SDK1: variants seen among roughly 807,000 people sequenced by gnomAD.
SDK1 encodes sidekick cell adhesion molecule 1.
A neutral mutation model predicts 245.5 loss-of-function variants in SDK1; 157 were observed. That is an observed-to-expected ratio of 0.64 (90% CI 0.56 to 0.73). The LOEUF (loss-of-function observed/expected upper bound fraction) is 0.73. Among genes scored for constraint, SDK1 ranks in the 30% least tolerant of loss-of-function variants. SDK1 has a pLI of 0.00. For synonymous variants in SDK1, 1,647 were observed against 1,278.5 expected (o/e 1.29, Z -6.15); for missense variants, 3,583 against 3,002.3 (o/e 1.19, Z -4.52).
At chr7:4,150,446 T>C (rs1482562919) in intron 30 of SDK1, among the ~76,000 whole-genome samples, 3 of 152,168 alleles carry the variant, frequency 2.0e-5, no homozygotes, top group Non-Finnish European at 4.4e-5. Context: ...TTCCTCTGTC[T>C]CTCAGATGGT....
chr7:4,159,251 A>G (rs1314124674), intron 31 of SDK1, among the ~76,000 whole-genome samples: 3 of 152,054 alleles, frequency 2.0e-5, no homozygotes, highest in African/African-American at 4.8e-5. Context: ...CAATAAACCA[A>G]TTTCCAGCTG....
intron 4 of SDK1, among the ~76,000 whole-genome samples, chr7:3,688,016 T>C (rs762980450): frequency 2.6e-5 from 4 of 152,330 alleles, no homozygotes; most frequent in Non-Finnish European, 5.9e-5. Context: ...TTCCAAAGAT[T>C]AGAGGATTTC....
At chr7:4,209,167 A>G (rs905808349) in intron 37 of SDK1, among the ~76,000 whole-genome samples, 2 of 152,190 alleles carry the variant, frequency 1.3e-5, no homozygotes, top group Admixed American at 6.5e-5. Context: ...CAGTGCCCGC[A>G]TCTGAGCTGG....
rs547625796 is a variant in SDK1, at chr7:3,940,300, A to C, written c.848-10623A>C. Among the ~76,000 whole-genome samples the C allele has an allele frequency of 2.6e-5, 4 of 152,384 alleles. No homozygotes were observed. The East Asian group carries it at 7.7e-4, about 29-fold the overall frequency. On this transcript the variant is annotated intron_variant, in intron 5 of 44. Coordinates refer to ENST00000404826, the MANE Select transcript of SDK1 (RefSeq NM_152744.4). ...TCTAAACGTGCTTTGCGGGACAGTG[A>C]AACCCTGCTTGGTGGAGGTCAGGAC...
intron 13 of SDK1, among the ~76,000 whole-genome samples, chr7:3,975,698 G>C (rs763533028): frequency 3.3e-5 from 5 of 152,254 alleles, no homozygotes; most frequent in Admixed American, 6.5e-5. Context: ...GTAGCAGTCA[G>C]TCCGGAAGGC....
At chr7:3,838,009 G>A (rs1362645422) in intron 5 of SDK1, among the ~76,000 whole-genome samples, 3 of 152,190 alleles carry the variant, frequency 2.0e-5, no homozygotes, top group Admixed American at 6.5e-5. Context: ...GCACATATGA[G>A]CAGGATACCT....
At chr7:3,787,166 A>G (rs1266000422) in intron 4 of SDK1, among the ~76,000 whole-genome samples, 3 of 151,404 alleles carry the variant, frequency 2.0e-5, no homozygotes, top group Admixed American at 1.3e-4. Flanking sequence ...ACACACACAC[A>G]CACACACACA....
chr7:3,566,635 A>T (rs557099049), intron 1 of SDK1, among the ~76,000 whole-genome samples: 44 of 152,074 alleles, frequency 2.9e-4, no homozygotes, highest in Non-Finnish European at 5.7e-4. Flanking sequence ...GGCAGATGAC[A>T]GAATGGAAAA....
At chr7:3,337,138 A>G (rs1780222398) in intron 1 of SDK1, among the ~76,000 whole-genome samples, 1 of 152,360 alleles carries the variant, frequency 6.6e-6, no homozygotes, top group South Asian at 2.1e-4. Flanking sequence ...GAAAGCTGCT[A>G]TGATAAAATG....
At chr7:3,771,846 C>T (rs1409108539) in intron 4 of SDK1, among the ~76,000 whole-genome samples, 1 of 152,174 alleles carries the variant, frequency 6.6e-6, no homozygotes, top group Non-Finnish European at 1.5e-5. Context: ...CATCACCCCC[C>T]ATCCATCTCC....
At chr7:3,898,335 C>A (rs999280871) in intron 5 of SDK1, among the ~76,000 whole-genome samples, 4 of 152,138 alleles carry the variant, frequency 2.6e-5, no homozygotes, top group African/African-American at 9.7e-5. Flanking sequence ...GAGCAAAAAG[C>A]GCAGACATGG....
At chr7:4,163,793 G>C (rs1781321253) in intron 32 of SDK1, among the ~76,000 whole-genome samples, 1 of 152,214 alleles carries the variant, frequency 6.6e-6, no homozygotes, top group African/African-American at 2.4e-5. Flanking sequence ...GGGCCAGCCA[G>C]GGGGAGCTTG....
chr7:3,956,910 G>A (rs1171323079), intron 7 of SDK1, among the ~76,000 whole-genome samples: 2 of 152,148 alleles, frequency 1.3e-5, no homozygotes, highest in Admixed American at 6.5e-5. Context: ...CCTGGCACTC[G>A]AGGGAAGCCT....
intron 20 of SDK1, among the ~76,000 whole-genome samples, chr7:4,071,021 A>C (rs886366025): frequency 6.7e-6 from 1 of 149,750 alleles, no homozygotes; most frequent in African/African-American, 2.5e-5. Context: ...TGGGGTTTTT[A>C]ATTTTTTGTT....
At chr7:3,596,902 G>A (rs569501032) in intron 1 of SDK1, among the ~76,000 whole-genome samples, 2 of 152,266 alleles carry the variant, frequency 1.3e-5, no homozygotes, top group South Asian at 2.1e-4. Flanking sequence ...AGCTAGATTG[G>A]TTACAGCTTA....
At chr7:3,424,888 C>G (rs1779633853) in intron 1 of SDK1, among the ~76,000 whole-genome samples, 1 of 152,026 alleles carries the variant, frequency 6.6e-6, no homozygotes, top group African/African-American at 2.4e-5. Flanking sequence ...CAGAGCAAGA[C>G]CCTGTCTCAA....
chr7:3,643,964 G>C (rs28698721), intron 4 of SDK1, among the ~76,000 whole-genome samples: 50,970 of 150,136 alleles, frequency 0.34, 9,234 homozygotes, highest in South Asian at 0.47. Context: ...GTACAGTGGC[G>C]TGATCTCAGC....
intron 17 of SDK1, among the ~76,000 whole-genome samples, chr7:4,046,254 A>G (rs1203482796): frequency 6.6e-6 from 1 of 152,082 alleles, no homozygotes; most frequent in Non-Finnish European, 1.5e-5. Flanking sequence ...CGGCCTGGAT[A>G]AACGTTCTTT....
chr7:4,136,673 C>T (rs1268243251), intron 28 of SDK1, among the ~76,000 whole-genome samples: 1 of 152,258 alleles, frequency 6.6e-6, no homozygotes, highest in Non-Finnish European at 1.5e-5. Flanking sequence ...ATGGCCTTGA[C>T]TGGTATTACG....
Sources: allele counts gnomAD v4.1 joint callset (sites outside exome capture counted in the v4.1 genomes callset), GRCh38; gene constraint gnomAD v4.1.1; transcripts MANE v1.5; gene names NCBI Gene and HGNC (gene_info 2026-07-23, HGNC 2026-07-21).